ATF5: variants seen among roughly 807,000 people sequenced by gnomAD.
ATF5 encodes activating transcription factor 5.
ATF5 carries 6 observed loss-of-function variants against 4.6 expected under a neutral mutation model. The observed-to-expected ratio is 1.31, with a 90% CI of 0.72 to 2.59. ATF5 has a LOEUF of 2.59. ATF5 is among the 30% of genes most tolerant of loss of function. ATF5 has a pLI of 0.00. For missense variants in ATF5, 410 were observed against 368.7 expected, an observed-to-expected ratio of 1.11 and a Z score of -0.92; for synonymous variants, 193 against 165.0, an observed-to-expected ratio of 1.17 and a Z score of -1.30.
In ATF5 at chr19:49,933,458, G is replaced by A. The variant is rs3170545; in HGVS notation, c.*366G>A. 0.31 allele frequency: 56,336 copies of A among 181,584 alleles called. 9,430 individuals are homozygous for A. The highest frequency in any genetic ancestry group is 0.44 in the East Asian group (3,078 of 7,020). 11.2% of individuals were successfully genotyped at this position (181,584 alleles called of 1,614,324 possible). A position where few individuals can be genotyped will look rare whatever the true frequency, so the allele number is the denominator to read the frequency against. ...CATGAAATGTTTGGCCTTAGTCAATGTCTATGCCCGTCACATAACAGCCGA... is the reference window on the plus strand; with the variant it reads ...CATGAAATGTTTGGCCTTAGTCAATATCTATGCCCGTCACATAACAGCCGA... On this transcript the variant is annotated 3_prime_UTR_variant, in exon 3 of 3. Coordinates refer to ENST00000423777, the MANE Select transcript of ATF5 (RefSeq NM_001193646.2).
Position 49,933,035 on chromosome 19 carries a change from C to A in ATF5, c.792C>A (p.Val264=), listed in dbSNP as rs1568735557. 6.2e-7 allele frequency: 1 copy of A among 1,610,622 alleles called. No individual in the cohort carries two copies. The highest frequency in any genetic ancestry group is 1.1e-5 in the South Asian group (1 of 90,958). ...AESVEREIQY[V]KDLLIEVYKA... ...CCGTGGAGCGCGAGATCCAGTACGT[C>A]AAGGACCTGCTCATCGAGGTTTACA... Residue 264 remains valine (V), a synonymous_variant, in exon 3 of 3, where the codon GTC becomes GTA. Coordinates refer to ENST00000423777, the MANE Select transcript of ATF5 (RefSeq NM_001193646.2).
chr19:49,933,546 C>G lies in ATF5; in HGVS notation c.*454C>G, dbSNP rs748041221. ...AAACCTGGTCTCTTGAATTTCAAAC[C>G]TGGTTTCTTACAGGTGGTTGTCTGG... On this transcript the variant is annotated 3_prime_UTR_variant, in exon 3 of 3. Coordinates refer to ENST00000423777, the MANE Select transcript of ATF5 (RefSeq NM_001193646.2). The G allele has an allele frequency of 6.4e-6, 1 of 155,582 alleles. No homozygotes were observed. Among genetic ancestry groups the G allele is most frequent in the Non-Finnish European group, 1.4e-5 (1 of 70,266 alleles). 9.6% of individuals were successfully genotyped at this position (155,582 alleles called of 1,614,324 possible).
intron 2 of ATF5, among the ~76,000 whole-genome samples, chr19:49,931,477 A>G (rs540377215): frequency 2.6e-5 from 4 of 152,092 alleles, no homozygotes; most frequent in South Asian, 2.1e-4. Context: ...GCGAGACCTC[A>G]TATCTATAGG....
rs149579765 is a variant in ATF5 at position 49,932,988 on chromosome 19, G to C, written c.745G>C (p.Glu249Gln). The change falls in exon 3 of 3, where the codon GAG (glutamate) becomes CAG (glutamine). Residue 249 changes from glutamate (E) to glutamine (Q), a missense_variant. Transcript: ENST00000423777. Reference sequence around the variant, plus strand: ...CCAGGGGCTGGAGGCACGGAATCGCGAGCTGAAGGAACGGGCAGAGTCCGT... The same window carrying C: ...CCAGGGGCTGGAGGCACGGAATCGCCAGCTGAAGGAACGGGCAGAGTCCGT... ...ECQGLEARNRELKERAESVER... is the reference protein window; with the variant it reads ...ECQGLEARNRQLKERAESVER... 1 of 1,614,060 alleles carries C rather than the reference G, an allele frequency of 6.2e-7. No homozygotes were observed.
At position 49,933,473 on chromosome 19, in the gene ATF5, A is replaced by G. The variant is rs2076087907; in HGVS notation, c.*381A>G. On this transcript the variant is annotated 3_prime_UTR_variant, in exon 3 of 3. Coordinates refer to ENST00000423777, the MANE Select transcript of ATF5 (RefSeq NM_001193646.2). ...CTTAGTCAATGTCTATGCCCGTCAC[A>G]TAACAGCCGAGGCACCGAGGCCCAC... 6.0e-6 allele frequency: 1 copy of G among 167,650 alleles called. No homozygotes were observed. The highest frequency in any genetic ancestry group is 1.3e-5 in the Non-Finnish European group (1 of 78,698). The allele number at this position is 167,650 out of a possible 1,614,324, so 10.4% of individuals were successfully genotyped here. A position where few individuals can be genotyped will look rare whatever the true frequency, so the allele number is the denominator to read the frequency against.
chr19:49,932,823 C>T lies in ATF5; in HGVS notation c.580C>T (p.Pro194Ser), dbSNP rs2076080234. The T allele has an allele frequency of 1.9e-6, 3 of 1,609,690 alleles. No individual in the cohort carries two copies. The highest frequency in any genetic ancestry group is 2.2e-5 in the South Asian group (2 of 90,282). The change falls in exon 3 of 3, where the codon CCT (proline) becomes TCT (serine). Residue 194 changes from proline to serine, a missense_variant. Physicochemically the swap from Pro to Ser is moderately conservative, Grantham distance 74. Transcript: ENST00000423777. ...QQPPPPSPPQPSRLAPYPHPA... is the reference protein window; with the variant it reads ...QQPPPPSPPQSSRLAPYPHPA... ...GCCCCCTCCTCCTTCTCCACCTCAA[C>T]CTTCTCGCCTGGCCCCCTACCCACA...
At chr19:49,931,577 G>T (rs184517513) in intron 2 of ATF5, among the ~76,000 whole-genome samples, 2 of 152,182 alleles carry the variant, frequency 1.3e-5, no homozygotes, top group East Asian at 3.9e-4. Flanking sequence ...AGCCTGGGAG[G>T]TCTAGGCTGC....
In ATF5 at chr19:49,932,808, C is replaced by T. The variant is rs867953720; in HGVS notation, c.565C>T (p.Pro189Ser). 1.9e-6 allele frequency: 3 copies of T among 1,609,100 alleles called. No homozygotes were observed. The highest frequency in any genetic ancestry group is 1.7e-5 in the Admixed American group (1 of 59,344). Residue 189 changes from proline to serine, a missense_variant, in exon 3 of 3, where the codon CCT (proline) becomes TCT (serine). By Grantham distance (74) the Pro-to-Ser change is moderately conservative (BLOSUM62 -1). Transcript: ENST00000423777. Reference protein sequence around the residue: ...PLPPPQQPPPPSPPQPSRLAP... With the variant: ...PLPPPQQPPPSSPPQPSRLAP... ...GCCCCCGCCACAGCAGCCCCCTCCT[C>T]CTTCTCCACCTCAACCTTCTCGCCT...
At chr19:49,931,267 C>T (rs1170788660) in intron 2 of ATF5, 3 of 408,242 alleles carry the variant, frequency 7.3e-6, no homozygotes, top group Admixed American at 8.7e-5. Flanking sequence ...TCAAAAACAC[C>T]TAGCAGCTGA....
Position 49,932,501 on chromosome 19 carries a change from C to T in ATF5, c.258C>T (p.Gly86=), listed in dbSNP as rs2076073204. Residue 86 remains glycine, a synonymous_variant, in exon 3 of 3, where the codon GGC becomes GGT. Transcript: ENST00000423777. ...LLPLEPPLPP[G]TLPQPSPTPP... Reference sequence around the variant, plus strand: ...CTCTGGAGCCTCCCTTACCCCCCGGCACCCTCCCCCAACCTTCCCCAACCC... The same window carrying T: ...CTCTGGAGCCTCCCTTACCCCCCGGTACCCTCCCCCAACCTTCCCCAACCC... The T allele has an allele frequency of 8.6e-6, 13 of 1,509,660 alleles. No homozygotes were observed. The highest frequency in any genetic ancestry group is 1.2e-5 in the Non-Finnish European group (13 of 1,102,168). 93.5% of individuals were successfully genotyped at this position (1,509,660 alleles called of 1,614,324 possible).
chr19:49,933,094 A>G lies in ATF5; in HGVS notation c.*2A>G, dbSNP rs1342521568. 3 of 1,574,862 alleles carry G rather than the reference A, an allele frequency of 1.9e-6. No individual in the cohort carries two copies. In the South Asian group the frequency reaches 3.5e-5, roughly 18 times the overall value. ...AGCCAGAGGACCCGTAGCTGCTAGA[A>G]GGGCAGGGGTGTGGCTTCTGGGGGC... On this transcript the variant is annotated 3_prime_UTR_variant, in exon 3 of 3. Transcript: ENST00000423777.
chr19:49,929,480 G>C (rs1267074151), intron 1 of ATF5, 80 bp downstream of exon 1: 1 of 152,566 alleles, frequency 6.6e-6, no homozygotes, highest in East Asian at 1.9e-4. Flanking sequence ...AGCCCTGGGG[G>C]GTGGGGAGTC....
At chr19:49,931,133 C>A in intron 2 of ATF5, 105 bp downstream of exon 2, 1 of 1,074,622 alleles carries the variant, frequency 9.3e-7, no homozygotes, top group Non-Finnish European at 1.3e-6. Flanking sequence ...TACAATGTGC[C>A]AGGCACTGTT....
rs1202461735 is a variant in ATF5, at chr19:49,932,617, C to A, written c.374C>A (p.Pro125His). 1 of 1,544,270 alleles carries A rather than the reference C, an allele frequency of 6.5e-7. No individual in the cohort carries two copies. The highest frequency in any genetic ancestry group is 8.7e-7 in the Non-Finnish European group (1 of 1,143,786). ...FFLDAPPLPP[P>H]SPPPLPPPPL... is the part of the protein sequence containing the mutation. ...CTAGATGCCCCGCCCCTCCCACCACCCTCCCCGCCGCCACTACCACCACCA... is the reference window on the plus strand; with the variant it reads ...CTAGATGCCCCGCCCCTCCCACCACACTCCCCGCCGCCACTACCACCACCA... Residue 125 changes from proline (P) to histidine (H), a missense_variant, in exon 3 of 3, where the codon CCC becomes CAC. By Grantham distance (77) the Pro-to-His change is moderately conservative. Coordinates refer to ENST00000423777, the MANE Select transcript of ATF5 (RefSeq NM_001193646.2).
At chr19:49,930,481 A>C in intron 1 of ATF5, 5 of 189,464 alleles carry the variant, frequency 2.6e-5, no homozygotes, top group Non-Finnish European at 2.1e-5. Flanking sequence ...TATTGGGGGA[A>C]GGGGTGGGGC....
In ATF5 at chr19:49,932,607, C is replaced by CAG; in HGVS notation, c.364_365insAG (p.Leu122GlnfsTer103). 5.8e-6 allele frequency: 9 copies of CAG among 1,555,214 alleles called. No homozygotes were observed. The highest frequency in any genetic ancestry group is 7.8e-6 in the Non-Finnish European group (9 of 1,148,416). On this transcript the variant is annotated frameshift_variant, in exon 3 of 3. Transcript: ENST00000423777. LOFTEE classifies it low-confidence loss of function (END_TRUNC). Reference sequence around the variant, plus strand: ...AGACTTCTTCCTAGATGCCCCGCCCCTCCCACCACCCTCCCCGCCGCCACT... The same window carrying CAG: ...AGACTTCTTCCTAGATGCCCCGCCCCAGTCCCACCACCCTCCCCGCCGCCACT...
chr19:49,933,189 A>G lies in ATF5; in HGVS notation c.*97A>G. 1 of 1,313,264 alleles carries G rather than the reference A, an allele frequency of 7.6e-7. No homozygotes were observed. The highest frequency in any genetic ancestry group is 1.0e-6 in the Non-Finnish European group (1 of 980,704). The allele number at this position is 1,313,264 out of a possible 1,614,324, so 81.4% of individuals were successfully genotyped here. ...TTCCAAACCCCTCTCGGCCGGGTGC[A>G]GTGGCTTATGCTTGTAATCCCAGCA... On this transcript the variant is annotated 3_prime_UTR_variant, in exon 3 of 3. Coordinates refer to ENST00000423777, the MANE Select transcript of ATF5 (RefSeq NM_001193646.2).
chr19:49,932,434 C>T lies in ATF5; in HGVS notation c.191C>T (p.Ser64Phe), dbSNP rs538014877. ...GGEPLAGDGF[S>F]DWMTERVDFT... The stretch of plus-strand genomic sequence containing the variant: ...ACTTTAATCCCAGGTGATGGCTTCT[C>T]TGACTGGATGACTGAGCGAGTTGAT... Residue 64 changes from serine (S) to phenylalanine (F), a missense_variant, in exon 3 of 3, where the codon TCT (serine) becomes TTT (phenylalanine). By Grantham distance (155) the Ser-to-Phe change is radical (BLOSUM62 -2). Coordinates refer to ENST00000423777, the MANE Select transcript of ATF5 (RefSeq NM_001193646.2). 2.5e-6 allele frequency: 4 copies of T among 1,614,064 alleles called. No individual in the cohort carries two copies. Among genetic ancestry groups the T allele is most frequent in the South Asian group, 2.2e-5 (2 of 91,082 alleles).
chr19:49,929,122 G>GC (rs995496481), upstream of ATF5: 2 of 151,944 alleles, frequency 1.3e-5, no homozygotes, highest in Non-Finnish European at 2.9e-5. Context: ...TTGGGGCCGC[G>GC]CGAGGGCGGG....
Sources: allele counts gnomAD v4.1 joint callset (sites outside exome capture counted in the v4.1 genomes callset), GRCh38; gene constraint gnomAD v4.1.1; transcripts MANE v1.5; gene names NCBI Gene and HGNC (gene_info 2026-07-23, HGNC 2026-07-21).